Variants in FGF12 observed in about 807,000 individuals in gnomAD.
FGF12 encodes fibroblast growth factor 12, also known as fibroblast growth factor 12B.
In FGF12, 14 loss-of-function variants were observed where a neutral mutation model predicts 23.6. That is an observed-to-expected ratio of 0.59 (90% CI 0.39 to 0.93). The LOEUF (loss-of-function observed/expected upper bound fraction) is 0.93. Ranked by LOEUF, FGF12 falls within the 40% of genes least tolerant of loss-of-function variation. FGF12 has a pLI of 0.00. For missense variants in FGF12, 175 were observed against 217.8 expected (o/e 0.80, Z 1.24); for synonymous variants, 62 against 77.3 (o/e 0.80, Z 1.04).
intron 4 of FGF12, among the ~76,000 whole-genome samples, chr3:192,281,491 C>T (rs1323846872): frequency 1.3e-5 from 2 of 152,092 alleles, no homozygotes; most frequent in Non-Finnish European, 2.9e-5. Context: ...ATTCGAAGTA[C>T]ACATGAATTT....
At chr3:192,682,798 G>T (rs961168119) in intron 2 of FGF12, among the ~76,000 whole-genome samples, 3 of 152,162 alleles carry the variant, frequency 2.0e-5, no homozygotes, top group Non-Finnish European at 2.9e-5. Flanking sequence ...GCAACTTTGA[G>T]CCATGGGTCA....
chr3:192,262,871 C>T (rs1174162384), intron 4 of FGF12, among the ~76,000 whole-genome samples: 2 of 151,246 alleles, frequency 1.3e-5, no homozygotes, highest in Admixed American at 6.6e-5. Context: ...AACTACTCCC[C>T]CATACACACA....
intron 2 of FGF12, among the ~76,000 whole-genome samples, chr3:192,486,916 T>G (rs1350576198): frequency 6.6e-6 from 1 of 152,142 alleles, no homozygotes; most frequent in East Asian, 1.9e-4. Flanking sequence ...TTATATGTTT[T>G]AATTTGAGTT....
At chr3:192,386,627 T>G (rs578045095) in intron 2 of FGF12, among the ~76,000 whole-genome samples, 1 of 152,208 alleles carries the variant, frequency 6.6e-6, no homozygotes, top group East Asian at 1.9e-4. Flanking sequence ...ATAAAATAAT[T>G]AGAGTAATTT....
At chr3:192,528,304 G>T (rs1309100747) in intron 2 of FGF12, among the ~76,000 whole-genome samples, 1 of 152,178 alleles carries the variant, frequency 6.6e-6, no homozygotes, top group Non-Finnish European at 1.5e-5. Context: ...CCGAAATCCA[G>T]TGGGGTAGTC....
intron 2 of FGF12, among the ~76,000 whole-genome samples, chr3:192,423,898 A>G (rs1357543815): frequency 6.6e-6 from 1 of 152,112 alleles, no homozygotes; most frequent in Non-Finnish European, 1.5e-5. Flanking sequence ...TATTATCAAC[A>G]CTCACTATAT....
intron 2 of FGF12, among the ~76,000 whole-genome samples, chr3:192,620,569 G>A (rs2654704): frequency 0.12 from 18,127 of 152,180 alleles, 1,168 homozygotes; most frequent in Middle Eastern, 0.19. Flanking sequence ...TGCCTGGCAA[G>A]CTGCTGATCA....
chr3:192,475,971 A>G (rs73070232), intron 2 of FGF12, among the ~76,000 whole-genome samples: 4,637 of 152,060 alleles, frequency 0.03, 249 homozygotes, highest in African/African-American at 0.11. Context: ...ATAGGCAGAT[A>G]TATAAAATAT....
intron 4 of FGF12, among the ~76,000 whole-genome samples, chr3:192,324,687 T>G (rs1716730199): frequency 6.6e-6 from 1 of 152,344 alleles, no homozygotes; most frequent in East Asian, 1.9e-4. Context: ...CATTTTAAAT[T>G]ACTACTTAAT....
chr3:192,170,439 C>G lies in FGF12; in HGVS notation c.427+19G>C, dbSNP rs777237999. ...CACACAGATAAGGGTCCAACAAAGA[C>G]AGTCAGTTGGTTTCATACCTTCAAT... On this transcript the variant is annotated intron_variant, in intron 5 of 5. Transcript: ENST00000445105. 8 of 1,606,958 alleles carry G rather than the reference C, an allele frequency of 5.0e-6. No homozygotes were observed. Among genetic ancestry groups the G allele is most frequent in the Non-Finnish European group, 6.8e-6 (8 of 1,174,152 alleles).
chr3:192,638,617 C>T (rs1353970073), intron 2 of FGF12, among the ~76,000 whole-genome samples: 1 of 152,202 alleles, frequency 6.6e-6, no homozygotes, highest in Admixed American at 6.5e-5. Flanking sequence ...AATGATAGCT[C>T]TTAGCAATTG....
chr3:192,619,259 G>GT (rs1714881067), intron 2 of FGF12, among the ~76,000 whole-genome samples: 1 of 152,072 alleles, frequency 6.6e-6, no homozygotes, highest in South Asian at 2.1e-4. Flanking sequence ...TGAAAGAGAT[G>GT]TTACAGAACA....
chr3:192,491,294 G>A (rs1723794761), intron 2 of FGF12, among the ~76,000 whole-genome samples: 1 of 152,084 alleles, frequency 6.6e-6, no homozygotes, highest in Non-Finnish European at 1.5e-5. Flanking sequence ...GATCTCATCT[G>A]TGCTATGTCA....
At chr3:192,209,271 G>C (rs550704823) in intron 4 of FGF12, among the ~76,000 whole-genome samples, 1 of 152,226 alleles carries the variant, frequency 6.6e-6, no homozygotes, top group South Asian at 2.1e-4. Context: ...ATGAAATGTG[G>C]ATGTAATGGC....
intron 2 of FGF12, chr3:192,407,920 TA>T: frequency 8.0e-7 from 1 of 1,243,918 alleles, no homozygotes; most frequent in Non-Finnish European, 1.1e-6. Flanking sequence ...GGTCAGAATG[TA>T]AAAGAGGAAT....
At chr3:192,378,080 T>TTCTG (rs1553805089) in intron 2 of FGF12, among the ~76,000 whole-genome samples, 8,742 of 105,704 alleles carry the variant, frequency 0.083, 834 homozygotes, top group African/African-American at 0.089. Context: ...CTTTCTTTCT[T>TTCTG]TCTTTCTTTC....
At chr3:192,183,332 G>T (rs1465617112) in intron 4 of FGF12, among the ~76,000 whole-genome samples, 1 of 152,160 alleles carries the variant, frequency 6.6e-6, no homozygotes, top group Non-Finnish European at 1.5e-5. Flanking sequence ...AATCAAGCCT[G>T]CATGGACTGT....
intron 2 of FGF12, among the ~76,000 whole-genome samples, chr3:192,461,947 A>G (rs572098776): frequency 1.1e-3 from 162 of 151,940 alleles, no homozygotes; most frequent in Non-Finnish European, 1.8e-3. Flanking sequence ...CTGAGATCGC[A>G]CCACGGCACT....
intron 2 of FGF12, among the ~76,000 whole-genome samples, chr3:192,483,604 G>A (rs548372015): frequency 7.2e-5 from 11 of 152,208 alleles, no homozygotes; most frequent in African/African-American, 9.6e-5. Context: ...AGGGGAATTC[G>A]TGTTACAAGC....
Sources: gnomAD v4.1 joint callset for allele counts (sites outside exome capture counted in the v4.1 genomes callset) on GRCh38, gnomAD v4.1.1 for gene constraint, MANE v1.5 for transcripts, NCBI Gene and HGNC (gene_info 2026-07-23, HGNC 2026-07-21) for gene names.